Variants in MTUS2 observed in about 807,000 individuals in gnomAD.
The protein encoded by MTUS2 is microtubule associated scaffold protein 2, also known as microtubule-associated tumor suppressor candidate 2.
A neutral mutation model predicts 114.1 loss-of-function variants in MTUS2; 40 were observed. The ratio of observed to expected loss-of-function variants is 0.35; its 90% CI spans 0.27 to 0.46. The LOEUF is 0.46. Ranked by LOEUF, MTUS2 falls within the 20% of genes least tolerant of loss-of-function variation. The pLI is 1.00. For synonymous variants in MTUS2, 688 were observed against 672.0 expected (o/e 1.02, Z -0.37); for missense variants, 1,679 against 1,705.4 (o/e 0.98, Z 0.27).
At chr13:29,411,627 C>T (rs1316506942) in intron 8 of MTUS2, among the ~76,000 whole-genome samples, 1 of 152,192 alleles carries the variant, frequency 6.6e-6, no homozygotes, top group Non-Finnish European at 1.5e-5. Flanking sequence ...TTGGTGTTTT[C>T]ACAGAGATTA....
At chr13:29,042,350 C>T (rs1430557315) in intron 4 of MTUS2, among the ~76,000 whole-genome samples, 1 of 152,060 alleles carries the variant, frequency 6.6e-6, no homozygotes, top group Non-Finnish European at 1.5e-5. Flanking sequence ...TTTTTGTATG[C>T]TGTTTGATTC....
At chr13:29,013,611 C>T (rs564307538) in intron 2 of MTUS2, among the ~76,000 whole-genome samples, 171 of 152,252 alleles carry the variant, frequency 1.1e-3, no homozygotes, top group African/African-American at 3.9e-3. Context: ...ACTTCACCAC[C>T]GGGCAATAAC....
At chr13:29,272,750 G>A (rs1222522534) in intron 5 of MTUS2, among the ~76,000 whole-genome samples, 2 of 152,170 alleles carry the variant, frequency 1.3e-5, no homozygotes, top group African/African-American at 4.8e-5. Flanking sequence ...GGCTTCTCTG[G>A]CCTGAATTTG....
At chr13:29,027,214 GAATAT>G (rs890853774) in intron 3 of MTUS2, among the ~76,000 whole-genome samples, 8 of 152,144 alleles carry the variant, frequency 5.3e-5, no homozygotes, top group Admixed American at 1.3e-4. Flanking sequence ...TTAAATAAGT[GAATAT>G]AATATAATAT....
intron 5 of MTUS2, among the ~76,000 whole-genome samples, chr13:29,171,933 A>G (rs532843383): frequency 5.6e-4 from 86 of 152,350 alleles, no homozygotes; most frequent in Admixed American, 1.1e-3. Flanking sequence ...ACGTCTCCTG[A>G]GTCAGAACTT....
At chr13:29,404,389 C>A (rs1874597731) in intron 8 of MTUS2, among the ~76,000 whole-genome samples, 1 of 151,366 alleles carries the variant, frequency 6.6e-6, no homozygotes, top group Admixed American at 6.6e-5. Context: ...GGCATGGTGG[C>A]GGGTGCCTGT....
At chr13:29,300,038 G>A (rs1457968865) in intron 6 of MTUS2, among the ~76,000 whole-genome samples, 1 of 152,126 alleles carries the variant, frequency 6.6e-6, no homozygotes, top group African/African-American at 2.4e-5. Context: ...GTGCTATTTA[G>A]CTATTGTCAT....
At chr13:29,246,895 T>C (rs1221261971) in intron 5 of MTUS2, among the ~76,000 whole-genome samples, 1 of 136,780 alleles carries the variant, frequency 7.3e-6, no homozygotes, top group African/African-American at 2.8e-5. Context: ...TTCACATAAC[T>C]AAAAAAAAAA....
At chr13:29,281,616 G>A (rs940539525) in intron 5 of MTUS2, 88 bp from the exon 6 acceptor site, 27 of 1,374,086 alleles carry the variant, frequency 2.0e-5, no homozygotes, top group Non-Finnish European at 2.2e-5. Context: ...GCAGATGACG[G>A]CAGTAGGATT....
intron 2 of MTUS2, among the ~76,000 whole-genome samples, chr13:28,849,975 A>AT (rs1347908748): frequency 3.9e-5 from 6 of 152,102 alleles, no homozygotes; most frequent in African/African-American, 1.4e-4. Context: ...GTTTTATCAG[A>AT]TTCCATTCTA....
intron 2 of MTUS2, among the ~76,000 whole-genome samples, chr13:29,010,580 G>A (rs1466450471): frequency 1.3e-5 from 2 of 151,944 alleles, no homozygotes; most frequent in Admixed American, 6.6e-5. Flanking sequence ...TGAGAAGGCC[G>A]CCACATGCGG....
At chr13:29,386,567 G>C (rs1422199418) in intron 8 of MTUS2, among the ~76,000 whole-genome samples, 1 of 152,234 alleles carries the variant, frequency 6.6e-6, no homozygotes, top group African/African-American at 2.4e-5. Flanking sequence ...CATGCCTCAA[G>C]GAGGAGGCCT....
At chr13:29,048,047 T>A (rs1887717335) in intron 4 of MTUS2, among the ~76,000 whole-genome samples, 1 of 152,272 alleles carries the variant, frequency 6.6e-6, no homozygotes, top group Non-Finnish European at 1.5e-5. Context: ...TGTTTATCCA[T>A]ACATTAGTTG....
intron 5 of MTUS2, among the ~76,000 whole-genome samples, chr13:29,249,122 G>A (rs1389892537): frequency 6.6e-6 from 1 of 152,036 alleles, no homozygotes; most frequent in African/African-American, 2.4e-5. Flanking sequence ...CAAGTAGCTG[G>A]GACTACAGGC....
At position 29,333,179 on chromosome 13, in the gene MTUS2, T is replaced by C. The variant is rs959123930; in HGVS notation, c.2905+8468T>C. On this transcript the variant is annotated intron_variant, in intron 7 of 15. Transcript: ENST00000612955. ...TTCAATTTTTCTGTAGTTGTGCAGT[T>C]TTGAGTGAGTTTCTTTTCTTTTCTT... Among the ~76,000 whole-genome samples, 6 of 152,262 alleles carry C rather than the reference T, an allele frequency of 3.9e-5. No individual in the cohort carries two copies. In the South Asian group the frequency reaches 1.2e-3, roughly 32 times the overall value.
chr13:28,925,264 C>T (rs1228753827), intron 2 of MTUS2, among the ~76,000 whole-genome samples: 3 of 152,122 alleles, frequency 2.0e-5, no homozygotes, highest in Non-Finnish European at 4.4e-5. Context: ...GAACTTGAAA[C>T]ATTGATTCTG....
intron 5 of MTUS2, among the ~76,000 whole-genome samples, chr13:29,210,896 G>C (rs1895402126): frequency 6.6e-6 from 1 of 152,174 alleles, no homozygotes; most frequent in South Asian, 2.1e-4. Context: ...ATTAGTGTTG[G>C]TTGGCCTCCA....
chr13:29,449,189 A>G (rs1045951440), intron 9 of MTUS2, among the ~76,000 whole-genome samples: 9 of 134,770 alleles, frequency 6.7e-5, no homozygotes, highest in African/African-American at 3.6e-4. Flanking sequence ...TAAAATAAAG[A>G]TATAGAAAAA....
intron 2 of MTUS2, among the ~76,000 whole-genome samples, chr13:28,997,270 T>C (rs1885156896): frequency 6.6e-6 from 1 of 152,228 alleles, no homozygotes; most frequent in Admixed American, 6.5e-5. Flanking sequence ...CAGTTTGTTA[T>C]AATTTCTGTT....
Sources: gnomAD v4.1 joint callset for allele counts (sites outside exome capture counted in the v4.1 genomes callset) on GRCh38, gnomAD v4.1.1 for gene constraint, MANE v1.5 for transcripts, NCBI Gene and HGNC (gene_info 2026-07-23, HGNC 2026-07-21) for gene names.